DCC: variants seen among roughly 807,000 people sequenced by gnomAD.
The protein encoded by DCC is netrin receptor DCC.
A neutral mutation model predicts 172.5 loss-of-function variants in DCC; 58 were observed. The observed-to-expected ratio is 0.34, with a 90% CI of 0.27 to 0.42. The LOEUF (loss-of-function observed/expected upper bound fraction) is 0.42. Ranked by LOEUF, DCC falls within the 10% of genes least tolerant of loss-of-function variation. The pLI, the probability that DCC is intolerant of heterozygous loss-of-function variation, is 1.00. For missense variants in DCC, 1,740 were observed against 1,791.0 expected, an observed-to-expected ratio of 0.97 and a Z score of 0.51; for synonymous variants, 709 against 644.5, an observed-to-expected ratio of 1.10 and a Z score of -1.52.
chr18:52,395,381 G>A (rs758934980), intron 1 of DCC, among the ~76,000 whole-genome samples: 4 of 151,992 alleles, frequency 2.6e-5, no homozygotes, highest in Non-Finnish European at 4.4e-5. Flanking sequence ...CTCTGTTTGC[G>A]GTATTGCTCG....
chr18:52,851,559 G>T (rs2038975917), intron 2 of DCC, among the ~76,000 whole-genome samples: 1 of 151,928 alleles, frequency 6.6e-6, no homozygotes, highest in African/African-American at 2.4e-5. Context: ...TTTCCCTTTG[G>T]GTTATTCCAT....
At chr18:52,734,691 C>A (rs904744407) in intron 1 of DCC, among the ~76,000 whole-genome samples, 1 of 152,096 alleles carries the variant, frequency 6.6e-6, no homozygotes, top group Non-Finnish European at 1.5e-5. Context: ...ATGTTCACTC[C>A]TTTTCCTTTA....
intron 12 of DCC, among the ~76,000 whole-genome samples, chr18:53,284,118 GC>G (rs1292417887): frequency 6.6e-6 from 1 of 152,088 alleles, no homozygotes; most frequent in African/African-American, 2.4e-5. Flanking sequence ...ACCCCTACCT[GC>G]ATCTCCTCAA....
intron 25 of DCC, among the ~76,000 whole-genome samples, chr18:53,478,414 G>A (rs1035686999): frequency 2.6e-5 from 4 of 152,132 alleles, no homozygotes; most frequent in Non-Finnish European, 5.9e-5. Flanking sequence ...GTAAGATGCC[G>A]AAAAGGAAGA....
intron 5 of DCC, among the ~76,000 whole-genome samples, chr18:52,983,147 A>T (rs1316079541): frequency 1.3e-5 from 2 of 152,182 alleles, no homozygotes; most frequent in African/African-American, 4.8e-5. Flanking sequence ...GAATATTAGG[A>T]AAGTAAGAGG....
At chr18:52,955,673 T>G (rs1200390781) in intron 5 of DCC, among the ~76,000 whole-genome samples, 1 of 152,150 alleles carries the variant, frequency 6.6e-6, no homozygotes, top group Non-Finnish European at 1.5e-5. Flanking sequence ...CAATAATGAA[T>G]AAGAGTTCCT....
intron 5 of DCC, among the ~76,000 whole-genome samples, chr18:52,982,115 G>T (rs533780100): frequency 6.6e-6 from 1 of 152,126 alleles, no homozygotes; most frequent in Non-Finnish European, 1.5e-5. Context: ...GTTGCTGGAG[G>T]TGTTGAGCAG....
intron 1 of DCC, among the ~76,000 whole-genome samples, chr18:52,375,103 C>T (rs559130964): frequency 4.7e-4 from 71 of 152,264 alleles, no homozygotes; most frequent in African/African-American, 1.5e-3. Context: ...ACGTGGTTGC[C>T]TTTTGACAAA....
At chr18:52,640,990 A>G (rs2034878987) in intron 1 of DCC, among the ~76,000 whole-genome samples, 1 of 150,854 alleles carries the variant, frequency 6.6e-6, no homozygotes, top group African/African-American at 2.5e-5. Context: ...AGTCACCAAA[A>G]CAGCATGGTA....
chr18:53,050,393 C>T (rs1346554825), intron 5 of DCC, among the ~76,000 whole-genome samples: 1 of 152,108 alleles, frequency 6.6e-6, no homozygotes, highest in African/African-American at 2.4e-5. Context: ...GATACTGATT[C>T]TTCCTATCCG....
chr18:52,821,678 T>C (rs1168343428), intron 2 of DCC, among the ~76,000 whole-genome samples: 3 of 152,240 alleles, frequency 2.0e-5, no homozygotes, highest in East Asian at 1.9e-4. Flanking sequence ...ACTTTTAACC[T>C]AGCTGAGTAC....
chr18:52,549,613 TAAG>T (rs1246931313), intron 1 of DCC, among the ~76,000 whole-genome samples: 2 of 152,058 alleles, frequency 1.3e-5, no homozygotes, highest in Non-Finnish European at 2.9e-5. Context: ...ACTAGAGTAA[TAAG>T]GTAACTGACC....
At chr18:52,656,602 G>C (rs2035259529) in intron 1 of DCC, among the ~76,000 whole-genome samples, 1 of 152,178 alleles carries the variant, frequency 6.6e-6, no homozygotes, top group African/African-American at 2.4e-5. Context: ...AGTGGGAAGT[G>C]GTATCCCATG....
chr18:53,301,372 A>G (rs994399648), intron 12 of DCC, among the ~76,000 whole-genome samples: 2 of 152,072 alleles, frequency 1.3e-5, no homozygotes, highest in Non-Finnish European at 2.9e-5. Flanking sequence ...TACAGGTGTG[A>G]GCCACTGCAC....
intron 2 of DCC, among the ~76,000 whole-genome samples, chr18:52,774,041 C>T (rs1186338430): frequency 6.6e-6 from 1 of 152,178 alleles, no homozygotes; most frequent in Non-Finnish European, 1.5e-5. Flanking sequence ...GCAAACCACT[C>T]TGTAACAGGG....
chr18:53,417,778 T>C (rs1910404874), intron 21 of DCC, among the ~76,000 whole-genome samples: 1 of 152,192 alleles, frequency 6.6e-6, no homozygotes, highest in South Asian at 2.1e-4. Flanking sequence ...TTTCCACTTC[T>C]CTCTGGGTAC....
chr18:53,021,412 A>T (rs1410573649), intron 5 of DCC, among the ~76,000 whole-genome samples: 1 of 152,176 alleles, frequency 6.6e-6, no homozygotes, highest in Non-Finnish European at 1.5e-5. Flanking sequence ...CTATTATTAT[A>T]TCGTGTTCTA....
Position 52,379,944 on chromosome 18 carries a change from A to G in DCC, c.91+39066A>G, listed in dbSNP as rs571101436. Among the ~76,000 whole-genome samples the G allele has an allele frequency of 6.0e-4, 91 of 152,238 alleles. 3 individuals are homozygous for G. The South Asian group carries it at 0.018, about 30-fold the overall frequency. On this transcript the variant is annotated intron_variant, in intron 1 of 28. Coordinates refer to ENST00000442544, the MANE Select transcript of DCC (RefSeq NM_005215.4). ...TTATAAGAATAGAAATTGATTTCTCATAGTTCTGGAGGCTGGGAAGTTCAA... is the reference window on the plus strand; with the variant it reads ...TTATAAGAATAGAAATTGATTTCTCGTAGTTCTGGAGGCTGGGAAGTTCAA...
At chr18:53,039,925 C>T (rs2042146262) in intron 5 of DCC, among the ~76,000 whole-genome samples, 1 of 151,950 alleles carries the variant, frequency 6.6e-6, no homozygotes, top group Middle Eastern at 3.2e-3. Flanking sequence ...TATCTATTGT[C>T]TGTGCAGCTG....
Sources: allele counts gnomAD v4.1 joint callset (sites outside exome capture counted in the v4.1 genomes callset), GRCh38; gene constraint gnomAD v4.1.1; transcripts MANE v1.5; gene names NCBI Gene and HGNC (gene_info 2026-07-23, HGNC 2026-07-21).